The following CD109 variants were observed in gnomAD, a reference collection of about 807,000 sequenced individuals.
The protein encoded by CD109 is CD109 molecule, also known as CD109 antigen.
Under a neutral mutation model 165.8 loss-of-function variants are expected in CD109, and 149 were observed. That is an observed-to-expected ratio of 0.90 (90% confidence interval 0.79 to 1.03). The LOEUF (loss-of-function observed/expected upper bound fraction) is 1.03, where lower values mean the gene tolerates loss of function less well. CD109 is among the 50% of genes least tolerant of loss of function. The probability of loss-of-function intolerance (pLI) is 0.00; values close to 1 mark genes in which losing one functional copy is unlikely to be tolerated. For synonymous variants in CD109, 585 were observed against 592.1 expected (o/e 0.99, Z 0.18); for missense variants, 1,712 against 1,677.8 (o/e 1.02, Z -0.36).
rs375704492 is a variant in CD109, at chr6:73,738,546, A to G, written c.633+2038A>G. 1.6e-3 allele frequency among the ~76,000 whole-genome samples: 240 copies of G among 152,338 alleles called. 5 individuals are homozygous for G. In the South Asian group the frequency reaches 0.026, roughly 16 times the overall value. On this transcript the variant is annotated intron_variant, in intron 5 of 32. Coordinates refer to ENST00000287097, the MANE Select transcript of CD109 (RefSeq NM_133493.5). Reference sequence around the variant, plus strand: ...GAGAGGGGGATAGAATAGCAGAGGGAGACTTTGCAGAAGATGTGAGATTAT... The same window carrying G: ...GAGAGGGGGATAGAATAGCAGAGGGGGACTTTGCAGAAGATGTGAGATTAT...
Position 73,785,408 on chromosome 6 carries a change from C to G in CD109, c.2268C>G (p.Tyr756Ter). ...QPFFIFLNLP[Y>*]SVIRGEEFAL... ...TTTTCATTTTTTTGAATCTTCCCTA[C>G]TCTGTTATCAGAGGTGAAGAATTTG... Residue 756 changes from tyrosine to a stop codon, truncating the protein, a stop_gained, in exon 20 of 33, where the codon TAC becomes TAG. Transcript: ENST00000287097. LOFTEE classifies it high-confidence loss of function. The G allele has an allele frequency of 6.2e-7, 1 of 1,609,602 alleles. No homozygotes were observed. Among genetic ancestry groups the G allele is most frequent in the Non-Finnish European group, 8.5e-7 (1 of 1,177,838 alleles).
intron 2 of CD109, among the ~76,000 whole-genome samples, chr6:73,719,715 A>G (rs1018629156): frequency 2.6e-5 from 4 of 152,162 alleles, no homozygotes; most frequent in Non-Finnish European, 5.9e-5. Context: ...CCCGTATTGC[A>G]ATGTTTAAAT....
chr6:73,707,876 C>T (rs1346957165), intron 2 of CD109, among the ~76,000 whole-genome samples: 2 of 149,480 alleles, frequency 1.3e-5, no homozygotes, highest in African/African-American at 4.9e-5. Flanking sequence ...TTTTTTGGCA[C>T]ATAAAAGACA....
Position 73,823,538 on chromosome 6 carries a change from C to T in CD109, c.4243C>T (p.Pro1415Ser). ...TTGCAGTGATGTCCAGGGCTGCCGT[C>T]CTTGTGAGGATGGAGCTTCAGGCTC... ...DLCSDVQGCR[P>S]CEDGASGSHH... The change falls in exon 33 of 33, where the codon CCT becomes TCT. Residue 1415 changes from proline to serine, a missense_variant. Pro to Ser is a moderately conservative substitution (Grantham distance 74). Transcript: ENST00000287097. The T allele has an allele frequency of 6.2e-7, 1 of 1,614,000 alleles. No individual in the cohort carries two copies. Among genetic ancestry groups the T allele is most frequent in the South Asian group, 1.1e-5 (1 of 91,072 alleles).
chr6:73,713,883 T>A (rs901743162), intron 2 of CD109, among the ~76,000 whole-genome samples: 4 of 152,150 alleles, frequency 2.6e-5, no homozygotes, highest in Non-Finnish European at 5.9e-5. Flanking sequence ...ACTTTCTCCT[T>A]GCTGATGTCA....
At chr6:73,802,164 A>G (rs1389179781) in intron 23 of CD109, among the ~76,000 whole-genome samples, 1 of 151,278 alleles carries the variant, frequency 6.6e-6, no homozygotes, top group African/African-American at 2.4e-5. Flanking sequence ...AATATGACAC[A>G]TTTGCTTTTA....
intron 7 of CD109, among the ~76,000 whole-genome samples, chr6:73,760,037 G>A (rs1266700496): frequency 6.6e-6 from 1 of 152,122 alleles, no homozygotes; most frequent in African/African-American, 2.4e-5. Context: ...TTTATAGACT[G>A]CAAAGCAAAA....
chr6:73,696,030 G>T, upstream of CD109: 1 of 586,112 alleles, frequency 1.7e-6, no homozygotes, highest in Non-Finnish European at 3.1e-6. Flanking sequence ...ATGGGGATGG[G>T]AGGGGTGGAG....
intron 11 of CD109, among the ~76,000 whole-genome samples, chr6:73,766,542 T>C (rs1319635313): frequency 1.3e-5 from 2 of 151,056 alleles, no homozygotes; most frequent in African/African-American, 4.9e-5. Context: ...TGTGTATATA[T>C]ATATATATAT....
chr6:73,763,529 G>A, intron 9 of CD109, 47 bp from the exon 10 acceptor site: 1 of 1,074,214 alleles, frequency 9.3e-7, no homozygotes, highest in Admixed American at 1.9e-5. Flanking sequence ...AGAAGCTTTG[G>A]GTGAAACATT....
chr6:73,695,039 T>G (rs1461787592), upstream of CD109: 1 of 152,052 alleles, frequency 6.6e-6, no homozygotes, highest in Non-Finnish European at 1.5e-5. Context: ...ACAGTTTGTC[T>G]AGGTGCTACT....
intron 2 of CD109, among the ~76,000 whole-genome samples, chr6:73,713,389 C>T (rs1302591904): frequency 3.3e-5 from 5 of 151,944 alleles, no homozygotes; most frequent in African/African-American, 7.3e-5. Flanking sequence ...TACACCATAG[C>T]GTTGGGGAAG....
intron 14 of CD109, among the ~76,000 whole-genome samples, chr6:73,770,546 A>G (rs1718333831): frequency 6.6e-6 from 1 of 152,006 alleles, no homozygotes; most frequent in South Asian, 2.1e-4. Context: ...GGAGTTGGAG[A>G]CCAGCCTGGC....
intron 5 of CD109, among the ~76,000 whole-genome samples, chr6:73,745,530 C>G (rs1421739662): frequency 6.6e-6 from 1 of 152,158 alleles, no homozygotes; most frequent in Non-Finnish European, 1.5e-5. Context: ...ACGGGATCAC[C>G]TTGTTTGCAC....
At chr6:73,786,542 A>G (rs1208654652) in intron 20 of CD109, among the ~76,000 whole-genome samples, 1 of 152,092 alleles carries the variant, frequency 6.6e-6, no homozygotes, top group East Asian at 1.9e-4. Context: ...CCTGGATTCA[A>G]TGTTTAATCT....
intron 29 of CD109, among the ~76,000 whole-genome samples, chr6:73,814,530 T>A (rs1228891060): frequency 1.3e-5 from 2 of 152,188 alleles, no homozygotes; most frequent in Non-Finnish European, 2.9e-5. Context: ...ACAAAAATAA[T>A]CCTCAGCAAT....
At chr6:73,739,584 C>G (rs1772683196) in intron 5 of CD109, among the ~76,000 whole-genome samples, 1 of 152,078 alleles carries the variant, frequency 6.6e-6, no homozygotes, top group Non-Finnish European at 1.5e-5. Context: ...CGTGGTGGCT[C>G]ACACCTGTAA....
intron 2 of CD109, among the ~76,000 whole-genome samples, chr6:73,716,075 C>G (rs1771733387): frequency 6.6e-6 from 1 of 152,190 alleles, no homozygotes; most frequent in African/African-American, 2.4e-5. Context: ...TAATGACCTT[C>G]AGTTCCATCC....
intron 5 of CD109, among the ~76,000 whole-genome samples, chr6:73,751,659 C>T (rs899798898): frequency 6.6e-6 from 1 of 152,152 alleles, no homozygotes; most frequent in Non-Finnish European, 1.5e-5. Flanking sequence ...CAACAGCCTG[C>T]TCACTGACAG....
Sources: gnomAD v4.1 joint callset for allele counts (sites outside exome capture counted in the v4.1 genomes callset) on GRCh38, gnomAD v4.1.1 for gene constraint, MANE v1.5 for transcripts, NCBI Gene and HGNC (gene_info 2026-07-23, HGNC 2026-07-21) for gene names.